GNAT3: variants seen among roughly 807,000 people sequenced by gnomAD.
GNAT3 encodes the protein guanine nucleotide-binding protein G(t) subunit alpha-3.
A neutral mutation model predicts 37.7 loss-of-function variants in GNAT3; 31 were observed. The observed-to-expected ratio is 0.82, with a 90% CI of 0.62 to 1.11. The LOEUF is 1.11. GNAT3 is among the 50% of genes most tolerant of loss of function. The probability of loss-of-function intolerance (pLI) is 0.00; values close to 1 mark genes in which losing one functional copy is unlikely to be tolerated. For missense variants in GNAT3, 437 were observed against 412.5 expected, an observed-to-expected ratio of 1.06 and a Z score of -0.51; for synonymous variants, 138 against 139.8, an observed-to-expected ratio of 0.99 and a Z score of 0.09.
chr7:80,459,530 T>C (rs539468181), intron 7 of GNAT3, among the ~76,000 whole-genome samples: 68 of 152,328 alleles, frequency 4.5e-4, no homozygotes, highest in African/African-American at 1.5e-3. Flanking sequence ...ATGTGTTATA[T>C]AGCAGTAATA....
chr7:80,459,694 G>T (rs993741618), intron 7 of GNAT3, among the ~76,000 whole-genome samples: 5 of 152,118 alleles, frequency 3.3e-5, no homozygotes, highest in African/African-American at 1.2e-4. Context: ...GCTTTAAGGG[G>T]ACTTGACACA....
chr7:80,476,751 A>G (rs1001579665), intron 4 of GNAT3, among the ~76,000 whole-genome samples: 8 of 152,012 alleles, frequency 5.3e-5, no homozygotes, highest in Non-Finnish European at 5.9e-5. Flanking sequence ...TTTCTAATGT[A>G]ATTCAGTGTT....
At chr7:80,507,022 T>C (rs1042866853) in intron 1 of GNAT3, among the ~76,000 whole-genome samples, 1 of 152,038 alleles carries the variant, frequency 6.6e-6, no homozygotes, top group Non-Finnish European at 1.5e-5. Context: ...AAAGAATGGT[T>C]TTAATTTGGA....
At chr7:80,475,854 A>T (rs970969628) in intron 4 of GNAT3, among the ~76,000 whole-genome samples, 2 of 152,164 alleles carry the variant, frequency 1.3e-5, no homozygotes, top group African/African-American at 4.8e-5. Context: ...CATAACATAT[A>T]TAATATGAAA....
At chr7:80,501,777 T>C (rs901719330) in intron 1 of GNAT3, among the ~76,000 whole-genome samples, 1 of 151,968 alleles carries the variant, frequency 6.6e-6, no homozygotes, top group Non-Finnish European at 1.5e-5. Context: ...TTTAGATGAA[T>C]ATTGTATAAA....
intron 5 of GNAT3, among the ~76,000 whole-genome samples, chr7:80,469,217 A>G (rs1363877524): frequency 3.3e-5 from 5 of 152,166 alleles, no homozygotes; most frequent in African/African-American, 1.2e-4. Context: ...TCTTATAAAC[A>G]GTTATGGTAA....
chr7:80,477,543 GATGA>G (rs958913844), intron 4 of GNAT3, among the ~76,000 whole-genome samples: 1 of 152,080 alleles, frequency 6.6e-6, no homozygotes, highest in African/African-American at 2.4e-5. Context: ...CTAAAATAAA[GATGA>G]ATGAATAATT....
At chr7:80,490,215 T>C (rs73369043) in intron 2 of GNAT3, among the ~76,000 whole-genome samples, 4,013 of 152,200 alleles carry the variant, frequency 0.026, 181 homozygotes, top group African/African-American at 0.092. Flanking sequence ...CATTAGTCAC[T>C]AGATGATTAA....
Position 80,480,641 on chromosome 7 carries a change from G to A in GNAT3, c.304-1643C>T, listed in dbSNP as rs1448392672. Among the ~76,000 whole-genome samples, 4 of 152,098 alleles carry A rather than the reference G, an allele frequency of 2.6e-5. No individual in the cohort carries two copies. The East Asian group carries it at 7.7e-4, about 29-fold the overall frequency. ...GTTTCTTGATGATATGCTAAACAAG[G>A]GGTGGATTATTCATGCCTCCCCTTG... On this transcript the variant is annotated intron_variant, in intron 3 of 7. Coordinates refer to ENST00000398291, the MANE Select transcript of GNAT3 (RefSeq NM_001102386.3).
chr7:80,507,734 A>G (rs1229657831), intron 1 of GNAT3, among the ~76,000 whole-genome samples: 2 of 152,010 alleles, frequency 1.3e-5, no homozygotes, highest in African/African-American at 2.4e-5. Flanking sequence ...CTATTTATCT[A>G]ATTCTGCTGT....
intron 3 of GNAT3, among the ~76,000 whole-genome samples, chr7:80,485,710 C>T (rs1790467494): frequency 6.6e-6 from 1 of 152,068 alleles, no homozygotes; most frequent in Non-Finnish European, 1.5e-5. Context: ...GTATAGATTT[C>T]ACTACCTAAA....
chr7:80,483,005 G>A (rs1790417147), intron 3 of GNAT3, among the ~76,000 whole-genome samples: 1 of 152,002 alleles, frequency 6.6e-6, no homozygotes, highest in South Asian at 2.1e-4. Flanking sequence ...TGTGTCTCCA[G>A]ACCTTTTACT....
At chr7:80,464,747 A>G (rs1194609520) in intron 5 of GNAT3, among the ~76,000 whole-genome samples, 1 of 152,124 alleles carries the variant, frequency 6.6e-6, no homozygotes, top group Non-Finnish European at 1.5e-5. Context: ...ATTGAAAATA[A>G]TCAAAAGTAC....
chr7:80,476,145 C>T (rs1790298288), intron 4 of GNAT3, among the ~76,000 whole-genome samples: 1 of 151,758 alleles, frequency 6.6e-6, no homozygotes, highest in East Asian at 1.9e-4. Flanking sequence ...TTCATGATAC[C>T]TAAATGAAAA....
chr7:80,495,567 T>C (rs1313581856), intron 1 of GNAT3, among the ~76,000 whole-genome samples: 1 of 152,080 alleles, frequency 6.6e-6, no homozygotes, highest in Non-Finnish European at 1.5e-5. Flanking sequence ...CCTCCTGGGT[T>C]CAAGTGATTC....
intron 3 of GNAT3, among the ~76,000 whole-genome samples, chr7:80,482,665 C>A (rs1790411415): frequency 6.7e-6 from 1 of 150,148 alleles, no homozygotes; most frequent in Admixed American, 6.7e-5. Context: ...AGGTGCACAC[C>A]ACCACACCCA....
intron 2 of GNAT3, among the ~76,000 whole-genome samples, chr7:80,491,122 G>A (rs553657098): frequency 4.6e-5 from 7 of 152,264 alleles, no homozygotes; most frequent in Non-Finnish European, 8.8e-5. Flanking sequence ...AGCTCCTTAG[G>A]AAGATACTGA....
chr7:80,470,436 G>T (rs994348574), intron 5 of GNAT3, among the ~76,000 whole-genome samples: 1 of 152,078 alleles, frequency 6.6e-6, no homozygotes, highest in African/African-American at 2.4e-5. Flanking sequence ...TGGCCAGGCT[G>T]GTCTGAACTC....
intron 1 of GNAT3, among the ~76,000 whole-genome samples, chr7:80,498,108 T>C (rs927480740): frequency 3.9e-5 from 6 of 152,136 alleles, no homozygotes; most frequent in African/African-American, 1.4e-4. Context: ...ATTTATAAAT[T>C]TGTGAAAAAA....
Sources: allele counts gnomAD v4.1 joint callset (sites outside exome capture counted in the v4.1 genomes callset), GRCh38; gene constraint gnomAD v4.1.1; transcripts MANE v1.5; gene names NCBI Gene and HGNC (gene_info 2026-07-23, HGNC 2026-07-21).